NFATC2: variants seen among roughly 807,000 people sequenced by gnomAD.
NFATC2 encodes nuclear factor of activated T-cells, cytoplasmic 2.
NFATC2 carries 22 observed loss-of-function variants against 87.3 expected under a neutral mutation model. The observed-to-expected ratio is 0.25, with a 90% CI of 0.18 to 0.36. The LOEUF is 0.36. Among genes scored for constraint, NFATC2 ranks in the 10% least tolerant of loss-of-function variants. The probability of loss-of-function intolerance (pLI) is 1.00; values close to 1 mark genes in which losing one functional copy is unlikely to be tolerated. For missense variants in NFATC2, 1,149 were observed against 1,259.1 expected (o/e 0.91, Z 1.32); for synonymous variants, 565 against 542.2 (o/e 1.04, Z -0.58).
chr20:51,525,682 C>T (rs1217789610), intron 1 of NFATC2, among the ~76,000 whole-genome samples: 1 of 152,086 alleles, frequency 6.6e-6, no homozygotes, highest in Non-Finnish European at 1.5e-5. Flanking sequence ...AGAACAGAAA[C>T]TAGATTCCCA....
intron 3 of NFATC2, among the ~76,000 whole-genome samples, chr20:51,511,494 C>T (rs2076270626): frequency 6.6e-6 from 1 of 152,224 alleles, no homozygotes; most frequent in South Asian, 2.1e-4. Context: ...GTTTACTTGA[C>T]ATCTTTGCTC....
At chr20:51,465,947 C>T (rs569701210) in intron 5 of NFATC2, among the ~76,000 whole-genome samples, 18 of 152,112 alleles carry the variant, frequency 1.2e-4, no homozygotes, top group Non-Finnish European at 2.1e-4. Context: ...GGGAAGCCCA[C>T]GATAATGATG....
chr20:51,492,736 G>T (rs1321255912), intron 3 of NFATC2, among the ~76,000 whole-genome samples: 3 of 152,164 alleles, frequency 2.0e-5, no homozygotes, highest in Non-Finnish European at 2.9e-5. Flanking sequence ...CTTGGAAGAG[G>T]TTTAAGGCTC....
At chr20:51,479,850 G>A (rs1260795778) in intron 3 of NFATC2, among the ~76,000 whole-genome samples, 8 of 152,128 alleles carry the variant, frequency 5.3e-5, no homozygotes, top group African/African-American at 1.9e-4. Flanking sequence ...CAGCCTCTCA[G>A]GCTCCGAACC....
intron 5 of NFATC2, among the ~76,000 whole-genome samples, chr20:51,467,455 G>T (rs1327798587): frequency 6.6e-6 from 1 of 152,098 alleles, no homozygotes; most frequent in Non-Finnish European, 1.5e-5. Context: ...TACTCCAGAG[G>T]CTGAGGCAGG....
intron 10 of NFATC2, 66 bp from the exon 11 acceptor site, chr20:51,391,517 C>A: frequency 6.6e-7 from 1 of 1,516,038 alleles, no homozygotes; most frequent in South Asian, 1.1e-5. Flanking sequence ...CGAAAACATG[C>A]ATCAGGTTCA....
chr20:51,451,595 C>G (rs1256704243), intron 6 of NFATC2, among the ~76,000 whole-genome samples: 1 of 152,206 alleles, frequency 6.6e-6, no homozygotes, highest in Non-Finnish European at 1.5e-5. Flanking sequence ...GACCACAGAC[C>G]GGTACTAGGC....
intron 1 of NFATC2, among the ~76,000 whole-genome samples, chr20:51,561,443 GAAA>G (rs2077025084): frequency 2.5e-4 from 24 of 96,078 alleles, no homozygotes; most frequent in South Asian, 4.4e-4. Context: ...AAGAAAGAAA[GAAA>G]GAAAGAAAGA....
intron 1 of NFATC2, among the ~76,000 whole-genome samples, chr20:51,533,688 C>T (rs950358445): frequency 1.3e-5 from 2 of 152,244 alleles, no homozygotes; most frequent in South Asian, 2.1e-4. Flanking sequence ...TCAGTGGTGC[C>T]TTCCAGGCAG....
chr20:51,487,746 C>T lies in NFATC2; in HGVS notation c.1333-12086G>A, dbSNP rs531575118. Among the ~76,000 whole-genome samples, 9 of 152,204 alleles carry T rather than the reference C, an allele frequency of 5.9e-5. No homozygotes were observed. The East Asian group carries it at 1.2e-3, about 20-fold the overall frequency. On this transcript the variant is annotated intron_variant, in intron 3 of 10. Transcript: ENST00000371564. ...TCGAATGACACCTCCGCCCCCACAC[C>T]AAAGACTGTGCAGGTCTCTCTGGAT...
At chr20:51,505,071 T>C (rs1168356912) in intron 3 of NFATC2, among the ~76,000 whole-genome samples, 1 of 128,374 alleles carries the variant, frequency 7.8e-6, no homozygotes, top group African/African-American at 3.0e-5. Context: ...TGGAGTGCAG[T>C]GGTGCGGTCT....
At chr20:51,495,560 C>T (rs1054968393) in intron 3 of NFATC2, among the ~76,000 whole-genome samples, 4 of 152,216 alleles carry the variant, frequency 2.6e-5, no homozygotes, top group Non-Finnish European at 5.9e-5. Context: ...GGGGAACTGT[C>T]TTATCCAGTT....
chr20:51,422,783 A>G (rs1358943336), intron 9 of NFATC2, among the ~76,000 whole-genome samples: 1 of 152,090 alleles, frequency 6.6e-6, no homozygotes, highest in Non-Finnish European at 1.5e-5. Context: ...TTCCCCTGGG[A>G]AAACAAAGCT....
intron 9 of NFATC2, among the ~76,000 whole-genome samples, chr20:51,419,331 T>C (rs1980534926): frequency 6.6e-6 from 1 of 152,164 alleles, no homozygotes; most frequent in Non-Finnish European, 1.5e-5. Context: ...TGTGGCTCAG[T>C]GTGGTTACAT....
At chr20:51,530,013 C>T (rs1025235398) in intron 1 of NFATC2, among the ~76,000 whole-genome samples, 1 of 152,074 alleles carries the variant, frequency 6.6e-6, no homozygotes, top group Admixed American at 6.5e-5. Context: ...AAATGTCATA[C>T]ATTCTTGCTA....
chr20:51,554,278 C>T (rs1307434172), intron 1 of NFATC2, among the ~76,000 whole-genome samples: 1 of 152,198 alleles, frequency 6.6e-6, no homozygotes, highest in African/African-American at 2.4e-5. Flanking sequence ...TTCACAAAAA[C>T]ATCTCTATCT....
chr20:51,539,958 T>C (rs772354461), intron 1 of NFATC2, among the ~76,000 whole-genome samples: 5 of 152,232 alleles, frequency 3.3e-5, no homozygotes, highest in Non-Finnish European at 5.9e-5. Context: ...TGAGAAAAGC[T>C]ACCTCTACTG....
chr20:51,466,804 G>T (rs1386775625), intron 5 of NFATC2, among the ~76,000 whole-genome samples: 1 of 152,164 alleles, frequency 6.6e-6, no homozygotes, highest in African/African-American at 2.4e-5. Context: ...GGGCGCAGTG[G>T]CTCACGTCTG....
At chr20:51,410,700 G>A (rs117148712) in intron 9 of NFATC2, among the ~76,000 whole-genome samples, 4 of 152,048 alleles carry the variant, frequency 2.6e-5, no homozygotes, top group Admixed American at 2.6e-4. Context: ...CACCATACAA[G>A]AGCTGGTATT....
Sources: allele counts gnomAD v4.1 joint callset (sites outside exome capture counted in the v4.1 genomes callset), GRCh38; gene constraint gnomAD v4.1.1; transcripts MANE v1.5; gene names NCBI Gene and HGNC (gene_info 2026-07-23, HGNC 2026-07-21).